Variants in SLF1 observed in about 807,000 individuals in gnomAD.
SLF1 encodes SMC5/6 complex localization factor 1.
SLF1 carries 105 observed loss-of-function variants against 123.0 expected under a neutral mutation model. The observed-to-expected ratio is 0.85, with a 90% CI of 0.73 to 1.00. The LOEUF (loss-of-function observed/expected upper bound fraction) is 1.00, where lower values mean the gene tolerates loss of function less well. Ranked by LOEUF, SLF1 falls within the 50% of genes least tolerant of loss-of-function variation. SLF1 has a pLI of 0.00. For synonymous variants in SLF1, 434 were observed against 406.6 expected (o/e 1.07, Z -0.81); for missense variants, 1,239 against 1,223.0 (o/e 1.01, Z -0.20).
intron 1 of SLF1, among the ~76,000 whole-genome samples, chr5:94,622,661 G>C (rs17328525): frequency 0.082 from 12,418 of 152,006 alleles, 558 homozygotes; most frequent in South Asian, 0.12. Flanking sequence ...ATAAGTGCAT[G>C]TTAAAATTGA....
At chr5:94,622,482 A>T (rs1040181306) in intron 1 of SLF1, among the ~76,000 whole-genome samples, 1 of 152,232 alleles carries the variant, frequency 6.6e-6, no homozygotes, top group African/African-American at 2.4e-5. Flanking sequence ...AAAAATGAAG[A>T]TATGAAACAA....
chr5:94,678,798 T>A lies in SLF1; in HGVS notation c.1828-10T>A, dbSNP rs1751413803. ...TATATTTTAGTAATTTTTTTGTATCTTAATGTTAGGTCTTCAAACATGAAC... is the reference window on the plus strand; with the variant it reads ...TATATTTTAGTAATTTTTTTGTATCATAATGTTAGGTCTTCAAACATGAAC... On this transcript the variant is annotated splice_polypyrimidine_tract_variant and intron_variant, in intron 14 of 20. Coordinates refer to ENST00000265140, the MANE Select transcript of SLF1 (RefSeq NM_032290.4). 4 of 1,605,660 alleles carry A rather than the reference T, an allele frequency of 2.5e-6. No homozygotes were observed. Among genetic ancestry groups the A allele is most frequent in the African/African-American group, 1.3e-5 (1 of 74,686 alleles).
Position 94,670,275 on chromosome 5 carries a change from CA to C in SLF1, c.1661del (p.Lys554SerfsTer11). On this transcript the variant is annotated frameshift_variant, in exon 13 of 21. Transcript: ENST00000265140. LOFTEE classifies it high-confidence loss of function. ...TGAAAGTGAAGTACAACATCTGAGT[CA>C]AAAGTAAGTTCTAATCGCAAGAATA... ...LIESEVQHLS[Q>X]KLYDWSDSQN... 1 of 1,478,250 alleles carries C rather than the reference CA, an allele frequency of 6.8e-7. No homozygotes were observed. Among genetic ancestry groups the C allele is most frequent in the East Asian group, 2.8e-5 (1 of 36,224 alleles). The allele number at this position is 1,478,250 out of a possible 1,614,324, so 91.6% of individuals were successfully genotyped here. A position where few individuals can be genotyped will look rare whatever the true frequency, so the allele number is the denominator to read the frequency against.
intron 10 of SLF1, among the ~76,000 whole-genome samples, chr5:94,663,129 A>G (rs997264228): frequency 6.6e-6 from 1 of 152,356 alleles, no homozygotes; most frequent in East Asian, 1.9e-4. Flanking sequence ...CTAAAGAACT[A>G]TGTCGCTGTA....
At chr5:94,672,240 T>A (rs568945330) in intron 14 of SLF1, among the ~76,000 whole-genome samples, 1 of 152,246 alleles carries the variant, frequency 6.6e-6, no homozygotes, top group East Asian at 1.9e-4. Context: ...TCAGGGATCG[T>A]AAGCATAGTA....
At chr5:94,678,083 G>A (rs1424502075) in intron 14 of SLF1, among the ~76,000 whole-genome samples, 2 of 152,032 alleles carry the variant, frequency 1.3e-5, no homozygotes, top group East Asian at 3.9e-4. Flanking sequence ...ACCACGCCCG[G>A]CTAACTTTTT....
rs1561456301 is a variant in SLF1 at position 94,666,018 on chromosome 5, T to TTA, written c.1528_1529dup (p.Arg511SerfsTer25). The TTA allele has an allele frequency of 1.3e-6, 2 of 1,547,036 alleles. No individual in the cohort carries two copies. Among genetic ancestry groups the TTA allele is most frequent in the Non-Finnish European group, 8.7e-7 (1 of 1,145,586 alleles). On this transcript the variant is annotated frameshift_variant, in exon 12 of 21. Transcript: ENST00000265140. LOFTEE classifies it high-confidence loss of function. ...GGAGCATGGTCTTTAGTAGAAGTCC[T>TTA]TATCAGGTAAGGAATTTCACATTTG... is the stretch of plus-strand genomic sequence containing the variant.
In SLF1 at chr5:94,649,442, AC is replaced by A; in HGVS notation, c.595-11del. 1 of 1,475,846 alleles carries A rather than the reference AC, an allele frequency of 6.8e-7. No individual in the cohort carries two copies. 91.4% of individuals were successfully genotyped at this position (1,475,846 alleles called of 1,614,324 possible). On this transcript the variant is annotated splice_polypyrimidine_tract_variant and intron_variant, in intron 5 of 20. Coordinates refer to ENST00000265140, the MANE Select transcript of SLF1 (RefSeq NM_032290.4). ...TTAGATGATTGCCTAAACCATTTTT[AC>A]ATACATACAGAAAGAAATTCAGAAT...
chr5:94,665,881 T>G lies in SLF1; in HGVS notation c.1389T>G (p.Ser463=). 6.5e-7 allele frequency: 1 copy of G among 1,546,710 alleles called. No individual in the cohort carries two copies. The highest frequency in any genetic ancestry group is 8.8e-7 in the Non-Finnish European group (1 of 1,142,662). ...NVLQDNIDTF[S]GRYFHILSAL... ...AATAGGATAACATAGATACATTTTC[T>G]GGTCGATACTTTCATATATTGTCAG... is the stretch of plus-strand genomic sequence containing the variant. Residue 463 remains serine, a synonymous_variant, in exon 12 of 21, where the codon TCT becomes TCG. Transcript: ENST00000265140.
Position 94,691,558 on chromosome 5 carries a change from T to C in SLF1, c.2420-6T>C. The C allele has an allele frequency of 6.2e-7, 1 of 1,601,444 alleles. No homozygotes were observed. Among genetic ancestry groups the C allele is most frequent in the Non-Finnish European group, 8.5e-7 (1 of 1,174,210 alleles). ...TCTGGAATAATCTATTAATTTTTTA[T>C]GGCAGGAGAAACAGCCCTGCATAGA... On this transcript the variant is annotated splice_region_variant and splice_polypyrimidine_tract_variant and intron_variant, in intron 18 of 20. Coordinates refer to ENST00000265140, the MANE Select transcript of SLF1 (RefSeq NM_032290.4).
At chr5:94,655,840 ATT>A (rs527320241) in intron 9 of SLF1, among the ~76,000 whole-genome samples, 2 of 148,974 alleles carry the variant, frequency 1.3e-5, no homozygotes, top group Non-Finnish European at 3.0e-5. Flanking sequence ...GTTTTAAGTG[ATT>A]TTTTTTTTGT....
chr5:94,665,808 C>G, intron 11 of SLF1, 53 bp from the exon 12 acceptor site: 1 of 1,452,746 alleles, frequency 6.9e-7, no homozygotes, highest in South Asian at 1.3e-5. Flanking sequence ...ATTAGAGAGT[C>G]AAACTACTTT....
At chr5:94,626,125 C>T (rs1430012627) in intron 1 of SLF1, among the ~76,000 whole-genome samples, 5 of 151,516 alleles carry the variant, frequency 3.3e-5, no homozygotes, top group East Asian at 3.9e-4. Flanking sequence ...TGGTGGCGGG[C>T]GCCTGTAGTC....
intron 14 of SLF1, among the ~76,000 whole-genome samples, chr5:94,677,770 A>G (rs1387925593): frequency 3.9e-5 from 6 of 152,142 alleles, no homozygotes; most frequent in Admixed American, 6.6e-5. Context: ...ACACTTCTTC[A>G]TCTTCATAGT....
chr5:94,674,245 A>T (rs1053540544), intron 14 of SLF1, among the ~76,000 whole-genome samples: 7 of 152,162 alleles, frequency 4.6e-5, no homozygotes, highest in African/African-American at 1.7e-4. Context: ...CAATTTTACT[A>T]AGTCTTCAAG....
chr5:94,696,037 T>C lies in SLF1; in HGVS notation c.*725T>C, dbSNP rs1585255009. 1 of 151,974 alleles carries C rather than the reference T, an allele frequency of 6.6e-6. No individual in the cohort carries two copies. Among genetic ancestry groups the C allele is most frequent in the Non-Finnish European group, 1.5e-5 (1 of 67,810 alleles). 9.4% of individuals were successfully genotyped at this position (151,974 alleles called of 1,614,324 possible). A position where few individuals can be genotyped will look rare whatever the true frequency, so the allele number is the denominator to read the frequency against. Reference sequence around the variant, plus strand: ...ATTCTGCTGCATAGGTTTATGAGTTTAATATTAAGATATTGAGTGGCATCT... The same window carrying C: ...ATTCTGCTGCATAGGTTTATGAGTTCAATATTAAGATATTGAGTGGCATCT... On this transcript the variant is annotated 3_prime_UTR_variant, in exon 21 of 21. Transcript: ENST00000265140.
chr5:94,625,797 G>A (rs1792183930), intron 1 of SLF1, among the ~76,000 whole-genome samples: 1 of 152,006 alleles, frequency 6.6e-6, no homozygotes, highest in South Asian at 2.1e-4. Flanking sequence ...ATCCAAATGT[G>A]GCTTTTTTGT....
intron 16 of SLF1, among the ~76,000 whole-genome samples, chr5:94,688,176 G>T (rs905381742): frequency 1.2e-4 from 18 of 151,958 alleles, no homozygotes; most frequent in African/African-American, 3.9e-4. Context: ...AATACCAGTT[G>T]TATGTAAATC....
At chr5:94,669,265 T>C (rs1242144930) in intron 12 of SLF1, among the ~76,000 whole-genome samples, 1 of 152,152 alleles carries the variant, frequency 6.6e-6, no homozygotes, top group Non-Finnish European at 1.5e-5. Flanking sequence ...AAGGATCTTA[T>C]AGATAGATTG....
Sources: gnomAD v4.1 joint callset for allele counts (sites outside exome capture counted in the v4.1 genomes callset) on GRCh38, gnomAD v4.1.1 for gene constraint, MANE v1.5 for transcripts, NCBI Gene and HGNC (gene_info 2026-07-23, HGNC 2026-07-21) for gene names.